Variants in KCNIP1 observed in about 807,000 individuals in gnomAD.
KCNIP1 encodes the protein A-type potassium channel modulatory protein KCNIP1.
In KCNIP1, 18 loss-of-function variants were observed where a neutral mutation model predicts 33.0. That is an observed-to-expected ratio of 0.55 (90% CI 0.38 to 0.81). The LOEUF (loss-of-function observed/expected upper bound fraction) is 0.81. Ranked by LOEUF, KCNIP1 falls within the 30% of genes least tolerant of loss-of-function variation. KCNIP1 has a pLI of 0.00. For missense variants in KCNIP1, 238 were observed against 271.6 expected, an observed-to-expected ratio of 0.88 and a Z score of 0.87; for synonymous variants, 93 against 98.3, an observed-to-expected ratio of 0.95 and a Z score of 0.32.
chr5:170,433,606 G>A (rs994642158), intron 1 of KCNIP1, among the ~76,000 whole-genome samples: 12 of 152,198 alleles, frequency 7.9e-5, no homozygotes, highest in Non-Finnish European at 4.4e-5. Context: ...AAATAGAGGA[G>A]ATGCTCAGTG....
At chr5:170,407,540 T>C (rs866623158) in intron 1 of KCNIP1, among the ~76,000 whole-genome samples, 7 of 152,232 alleles carry the variant, frequency 4.6e-5, no homozygotes, top group African/African-American at 1.7e-4. Flanking sequence ...TTTGTGACTG[T>C]TGAATATTTT....
At chr5:170,438,477 G>A (rs1209143573) in intron 1 of KCNIP1, among the ~76,000 whole-genome samples, 3 of 152,166 alleles carry the variant, frequency 2.0e-5, no homozygotes, top group Non-Finnish European at 4.4e-5. Flanking sequence ...ATCTGAGGGA[G>A]CTTTCTAAAA....
intron 1 of KCNIP1, among the ~76,000 whole-genome samples, chr5:170,415,891 T>A (rs1338458390): frequency 2.0e-5 from 3 of 151,952 alleles, no homozygotes; most frequent in Non-Finnish European, 4.4e-5. Flanking sequence ...CCCTGGGAAG[T>A]CATGAGGAAG....
At chr5:170,559,623 G>C (rs1451295458) in intron 1 of KCNIP1, among the ~76,000 whole-genome samples, 1 of 152,142 alleles carries the variant, frequency 6.6e-6, no homozygotes, top group African/African-American at 2.4e-5. Flanking sequence ...ATTGTGTGCT[G>C]TGGGATCTGT....
intron 1 of KCNIP1, among the ~76,000 whole-genome samples, chr5:170,385,895 G>A (rs550354910): frequency 9.9e-5 from 15 of 151,980 alleles, no homozygotes; most frequent in East Asian, 9.7e-4. Context: ...CGAGGTGGGC[G>A]GATCATGAGG....
chr5:170,714,728 GA>G (rs1763585854), intron 1 of KCNIP1, among the ~76,000 whole-genome samples: 1 of 151,756 alleles, frequency 6.6e-6, no homozygotes, highest in Non-Finnish European at 1.5e-5. Flanking sequence ...TTTAAATAGA[GA>G]AAAAGCTTAT....
intron 1 of KCNIP1, among the ~76,000 whole-genome samples, chr5:170,712,046 A>G (rs544298440): frequency 3.3e-5 from 5 of 152,200 alleles, no homozygotes; most frequent in Admixed American, 6.5e-5. Flanking sequence ...AATCCAGGCC[A>G]ACCACAAAAT....
chr5:170,404,278 A>G (rs1226778455), intron 1 of KCNIP1, among the ~76,000 whole-genome samples: 1 of 152,206 alleles, frequency 6.6e-6, no homozygotes, highest in East Asian at 1.9e-4. Flanking sequence ...CATTTAATAA[A>G]TGTACTATGT....
At chr5:170,517,798 A>G (rs1291038236) in intron 1 of KCNIP1, among the ~76,000 whole-genome samples, 2 of 133,352 alleles carry the variant, frequency 1.5e-5, no homozygotes, top group Admixed American at 7.5e-5. Flanking sequence ...ATGATGGTGA[A>G]GTGATAGTGA....
chr5:170,699,707 G>A (rs754650701), intron 1 of KCNIP1, among the ~76,000 whole-genome samples: 2 of 152,122 alleles, frequency 1.3e-5, no homozygotes, highest in African/African-American at 4.8e-5. Context: ...TGGTATTCCA[G>A]CTGAAACCTC....
intron 1 of KCNIP1, among the ~76,000 whole-genome samples, chr5:170,586,940 C>T (rs956732057): frequency 1.3e-5 from 2 of 152,198 alleles, no homozygotes; most frequent in African/African-American, 2.4e-5. Context: ...CTCTCTCTGT[C>T]CTCATGGAGC....
At chr5:170,724,977 T>C (rs2113881385) in intron 5 of KCNIP1, among the ~76,000 whole-genome samples, 1 of 152,204 alleles carries the variant, frequency 6.6e-6, no homozygotes, top group Middle Eastern at 3.4e-3. Flanking sequence ...GCAAAAAACC[T>C]AAAATAACCA....
chr5:170,707,668 A>G (rs1316048705), intron 1 of KCNIP1, among the ~76,000 whole-genome samples: 3 of 152,212 alleles, frequency 2.0e-5, no homozygotes, highest in Admixed American at 1.3e-4. Flanking sequence ...TGAAGGTCAC[A>G]TTAAAAACAT....
At chr5:170,734,641 C>T (rs1012691584) in intron 7 of KCNIP1, among the ~76,000 whole-genome samples, 1 of 152,058 alleles carries the variant, frequency 6.6e-6, no homozygotes, top group South Asian at 2.1e-4. Flanking sequence ...CCATTTGTAC[C>T]CCCACATTAT....
chr5:170,441,734 G>C (rs769660728), intron 1 of KCNIP1, among the ~76,000 whole-genome samples: 6 of 152,028 alleles, frequency 3.9e-5, no homozygotes, highest in African/African-American at 1.4e-4. Context: ...GGGAGGTCAC[G>C]AGGTCAGAAG....
chr5:170,621,443 G>A (rs180712411), intron 1 of KCNIP1, among the ~76,000 whole-genome samples: 120 of 152,296 alleles, frequency 7.9e-4, no homozygotes, highest in Non-Finnish European at 1.6e-3. Flanking sequence ...GGGGAGATCT[G>A]TGAGCACCCC....
chr5:170,385,976 A>T (rs1424521409), intron 1 of KCNIP1, among the ~76,000 whole-genome samples: 1 of 151,886 alleles, frequency 6.6e-6, no homozygotes, highest in Non-Finnish European at 1.5e-5. Context: ...AATACAAAAA[A>T]TTAGCCGGGT....
intron 1 of KCNIP1, among the ~76,000 whole-genome samples, chr5:170,625,206 G>T: frequency 6.6e-6 from 1 of 152,102 alleles, no homozygotes; most frequent in Non-Finnish European, 1.5e-5. Flanking sequence ...GTGGCCGCAG[G>T]AAAGTCACAA....
intron 1 of KCNIP1, among the ~76,000 whole-genome samples, chr5:170,546,200 A>C (rs1335123987): frequency 1.3e-5 from 2 of 152,156 alleles, no homozygotes; most frequent in African/African-American, 4.8e-5. Flanking sequence ...TGCTCTTTAG[A>C]AGTTTTGAGC....
Sources: allele counts gnomAD v4.1 joint callset (sites outside exome capture counted in the v4.1 genomes callset), GRCh38; gene constraint gnomAD v4.1.1; transcripts MANE v1.5; gene names NCBI Gene and HGNC (gene_info 2026-07-23, HGNC 2026-07-21).